Variants in PTPRG observed in about 807,000 individuals in gnomAD.
PTPRG encodes protein tyrosine phosphatase receptor type G, also known as receptor-type tyrosine-protein phosphatase gamma.
Under a neutral mutation model 165.3 loss-of-function variants are expected in PTPRG, and 102 were observed. The ratio of observed to expected loss-of-function variants is 0.62; its 90% CI spans 0.53 to 0.73. The LOEUF (loss-of-function observed/expected upper bound fraction) is 0.73. Among genes scored for constraint, PTPRG ranks in the 30% least tolerant of loss-of-function variants. PTPRG has a pLI of 0.00. For synonymous variants in PTPRG, 675 were observed against 669.5 expected (o/e 1.01, Z -0.13); for missense variants, 1,866 against 1,861.4 (o/e 1.00, Z -0.05).
chr3:61,776,252 A>G (rs963979230), intron 2 of PTPRG, among the ~76,000 whole-genome samples: 1 of 152,152 alleles, frequency 6.6e-6, no homozygotes, highest in Non-Finnish European at 1.5e-5. Flanking sequence ...TGGCCAATCC[A>G]GAAGTCTTTG....
intron 1 of PTPRG, among the ~76,000 whole-genome samples, chr3:61,597,198 A>G (rs1270094665): frequency 6.6e-6 from 1 of 152,144 alleles, no homozygotes; most frequent in East Asian, 1.9e-4. Context: ...AACACTTCCC[A>G]TTATGCTCCA....
chr3:62,238,978 A>T (rs1384106205), intron 14 of PTPRG, among the ~76,000 whole-genome samples: 3 of 152,194 alleles, frequency 2.0e-5, no homozygotes, highest in African/African-American at 7.2e-5. Flanking sequence ...CAGTTTCTTA[A>T]AGGGCACAGA....
chr3:61,653,405 C>T (rs1340189534), intron 1 of PTPRG, among the ~76,000 whole-genome samples: 2 of 152,046 alleles, frequency 1.3e-5, no homozygotes, highest in Admixed American at 6.5e-5. Context: ...TAGTGATCCT[C>T]CATAAATGGG....
intron 1 of PTPRG, among the ~76,000 whole-genome samples, chr3:61,708,438 C>T (rs947008413): frequency 5.1e-4 from 70 of 136,526 alleles, no homozygotes; most frequent in Middle Eastern, 4.0e-3. Context: ...GGGCTCTCTG[C>T]AAATCTTTTT....
At position 61,707,913 on chromosome 3, in the gene PTPRG, C is replaced by T. The variant is rs1171732325; in HGVS notation, c.86-40965C>T. The stretch of plus-strand genomic sequence containing the variant: ...AAGCAATTCTTCTCCCTCAGCCTCC[C>T]GAGTACCTGGGACTACAGGTGCACA... On this transcript the variant is annotated intron_variant, in intron 1 of 29. Coordinates refer to ENST00000474889, the MANE Select transcript of PTPRG (RefSeq NM_002841.4). Among the ~76,000 whole-genome samples, 8 of 152,130 alleles carry T rather than the reference C, an allele frequency of 5.3e-5. No individual in the cohort carries two copies. In the East Asian group the frequency reaches 5.8e-4, roughly 11 times the overall value.
chr3:61,752,968 T>G (rs895442126), intron 2 of PTPRG, among the ~76,000 whole-genome samples: 1 of 152,152 alleles, frequency 6.6e-6, no homozygotes, highest in African/African-American at 2.4e-5. Context: ...TATTTATTTT[T>G]GAAATGTTAA....
At chr3:61,887,641 G>C (rs1488456555) in intron 2 of PTPRG, among the ~76,000 whole-genome samples, 1 of 151,738 alleles carries the variant, frequency 6.6e-6, no homozygotes, top group Non-Finnish European at 1.5e-5. Context: ...CACATTACGT[G>C]GTTTGACTAC....
At chr3:61,676,879 T>A (rs567221394) in intron 1 of PTPRG, among the ~76,000 whole-genome samples, 216 of 152,274 alleles carry the variant, frequency 1.4e-3, no homozygotes, top group Non-Finnish European at 1.6e-3. Flanking sequence ...TGGAGACTCC[T>A]GACCTGAGTG....
At chr3:61,592,049 C>G (rs1367208430) in intron 1 of PTPRG, among the ~76,000 whole-genome samples, 1 of 151,944 alleles carries the variant, frequency 6.6e-6, no homozygotes, top group East Asian at 1.9e-4. Context: ...CTCCGTATCA[C>G]CGCAGCCTCC....
At chr3:61,684,515 G>A (rs1401129172) in intron 1 of PTPRG, among the ~76,000 whole-genome samples, 5 of 152,290 alleles carry the variant, frequency 3.3e-5, no homozygotes, top group Non-Finnish European at 7.3e-5. Context: ...AAGGGAACAC[G>A]TCCAAGCCCA....
chr3:61,825,041 C>G (rs916341953), intron 2 of PTPRG, among the ~76,000 whole-genome samples: 8 of 152,112 alleles, frequency 5.3e-5, no homozygotes, highest in Admixed American at 1.3e-4. Context: ...GGTGACATGC[C>G]AGAGTAGAAG....
intron 2 of PTPRG, among the ~76,000 whole-genome samples, chr3:61,943,767 G>C (rs1385046544): frequency 3.3e-5 from 5 of 152,082 alleles, no homozygotes; most frequent in African/African-American, 1.2e-4. Flanking sequence ...GTCACTTAGT[G>C]TGGGTCCCTT....
chr3:62,263,011 G>C (rs1293165575), intron 17 of PTPRG, 117 bp downstream of exon 17: 1 of 741,526 alleles, frequency 1.3e-6, no homozygotes, highest in African/African-American at 1.8e-5. Flanking sequence ...ATTCTTGCAA[G>C]CTAACCTCTC....
chr3:62,271,232 G>T lies in PTPRG; in HGVS notation c.3010-151G>T. ...GGTAATGTCTCCAATTTAATGGCAT[G>T]AAAGTTGGCTACAAGGGGGAATAAC... On this transcript the variant is annotated intron_variant, in intron 20 of 29. Transcript: ENST00000474889. This position sits in a 1 kb window ranked among gnomAD's most constrained non-coding sequence, Gnocchi z 4.1. The T allele has an allele frequency of 1.7e-6, 1 of 601,846 alleles. No homozygotes were observed. Among genetic ancestry groups the T allele is most frequent in the South Asian group, 2.8e-5 (1 of 36,320 alleles). 37.3% of individuals were successfully genotyped at this position (601,846 alleles called of 1,614,324 possible). A position where few individuals can be genotyped will look rare whatever the true frequency, so the allele number is the denominator to read the frequency against.
At chr3:61,944,867 A>G (rs946150469) in intron 2 of PTPRG, among the ~76,000 whole-genome samples, 1 of 152,176 alleles carries the variant, frequency 6.6e-6, no homozygotes, top group Non-Finnish European at 1.5e-5. Flanking sequence ...ATCATTGGCC[A>G]GCTGGCTTCC....
Position 62,293,240 on chromosome 3 carries a change from AC to A in PTPRG, c.4272del (p.Asp1424GlufsTer21). 1 of 1,612,360 alleles carries A rather than the reference AC, an allele frequency of 6.2e-7. No homozygotes were observed. Among genetic ancestry groups the A allele is most frequent in the East Asian group, 2.2e-5 (1 of 44,808 alleles). ...KENGNGPMTV[D>X]KNGAVLIADE... ...AATGGAAATGGTCCCATGACAGTAG[AC>A]AAAAATGGTGCTGTTCTTATTGCAG... On this transcript the variant is annotated frameshift_variant, in exon 30 of 30. Coordinates refer to ENST00000474889, the MANE Select transcript of PTPRG (RefSeq NM_002841.4). LOFTEE classifies it high-confidence loss of function.
At chr3:61,909,226 A>C (rs1407662539) in intron 2 of PTPRG, among the ~76,000 whole-genome samples, 2 of 152,258 alleles carry the variant, frequency 1.3e-5, no homozygotes, top group African/African-American at 4.8e-5. Flanking sequence ...TAAGAGGTCA[A>C]ACAAATGGTA....
In PTPRG at chr3:62,191,611, C is replaced by A. The variant is rs113199298; in HGVS notation, c.1176C>A (p.Asp392Glu). ...CCTACAGCTGGACCAAGAATGAGGACGAGAAGGAGAAGACGTTTACAAAGG... is the reference window on the plus strand; with the variant it reads ...CCTACAGCTGGACCAAGAATGAGGAAGAGAAGGAGAAGACGTTTACAAAGG... ...MISYSWTKNE[D>E]EKEKTFTKDS... Residue 392 changes from aspartate (D) to glutamate (E), a missense_variant, in exon 9 of 30, where the codon GAC becomes GAA. By Grantham distance (45) the Asp-to-Glu change is conservative. This residue lies in a region of PTPRG where 1,452 missense variants were observed against 1,463.0 expected (regional missense o/e 0.99). Transcript: ENST00000474889. 2.5e-6 allele frequency: 4 copies of A among 1,614,106 alleles called. No individual in the cohort carries two copies. The highest frequency in any genetic ancestry group is 3.4e-6 in the Non-Finnish European group (4 of 1,179,994).
At chr3:62,018,861 G>A (rs11714624) in intron 4 of PTPRG, among the ~76,000 whole-genome samples, 43,076 of 152,014 alleles carry the variant, frequency 0.28, 6,262 homozygotes, top group East Asian at 0.36. Flanking sequence ...TAGAAGGCAC[G>A]CTGGATTTAT....
Sources: gnomAD v4.1 joint callset for allele counts (sites outside exome capture counted in the v4.1 genomes callset) on GRCh38, gnomAD v4.1.1 for gene constraint, gnomAD v4.1.1 regional missense constraint, Gnocchi (gnomAD v3.1) non-coding constraint, MANE v1.5 for transcripts, NCBI Gene and HGNC (gene_info 2026-07-23, HGNC 2026-07-21) for gene names.